The following ULK4 variants were observed in gnomAD, a reference collection of about 807,000 sequenced individuals.
ULK4 encodes the protein unc-51 like kinase 4, also known as inactive serine/threonine-protein kinase ULK4.
In ULK4, 133 loss-of-function variants were observed where a neutral mutation model predicts 160.6. The observed-to-expected ratio is 0.83, with a 90% CI of 0.72 to 0.96. ULK4 has a LOEUF of 0.96. ULK4 is among the 40% of genes least tolerant of loss of function. The pLI is 0.00. For synonymous variants in ULK4, 534 were observed against 539.8 expected (o/e 0.99, Z 0.15); for missense variants, 1,580 against 1,499.5 (o/e 1.05, Z -0.89).
At chr3:41,931,117 G>A (rs1420259503) in intron 5 of ULK4, among the ~76,000 whole-genome samples, 3 of 152,198 alleles carry the variant, frequency 2.0e-5, no homozygotes, top group African/African-American at 7.2e-5. Context: ...TAAAGAAAAT[G>A]TGGCACATAT....
rs2084026968 is a variant in ULK4 at position 41,472,800 on chromosome 3, C to T, written c.3227-9547G>A. Among the ~76,000 whole-genome samples, 3 of 152,112 alleles carry T rather than the reference C, an allele frequency of 2.0e-5. 1 individual carries two copies. The South Asian group carries it at 6.2e-4, about 32-fold the overall frequency. On this transcript the variant is annotated intron_variant, in intron 32 of 36. Transcript: ENST00000301831. ...GCCCAGCATTACCCTCATACCAAAG[C>T]CAGACAAGGATATCACAAGAATAAA...
chr3:41,731,870 C>T (rs1346544390), intron 22 of ULK4, among the ~76,000 whole-genome samples: 1 of 152,038 alleles, frequency 6.6e-6, no homozygotes, highest in Non-Finnish European at 1.5e-5. Flanking sequence ...ATACCAAGAA[C>T]ACACTTGGGG....
At chr3:41,906,130 TG>T (rs1698546626) in intron 12 of ULK4, among the ~76,000 whole-genome samples, 1 of 143,056 alleles carries the variant, frequency 7.0e-6, no homozygotes, top group Non-Finnish European at 1.5e-5. Context: ...GGCGGGAGAA[TG>T]GCGTGAACCC....
rs779277157 is a variant in ULK4, at chr3:41,398,207, C to T, written c.3550G>A (p.Val1184Ile). 39 of 1,612,580 alleles carry T rather than the reference C, an allele frequency of 2.4e-5. No individual in the cohort carries two copies. Among genetic ancestry groups the T allele is most frequent in the African/African-American group, 8.0e-5 (6 of 74,740 alleles). The part of the protein sequence containing the change: ...DVSSKCLSIL[V>I]QLYGGENPDS... ...GGGTTTTCCCCTCCATACAGCTGAACCAGTATAGACAGGCACTTGGATGAA... is the reference window on the plus strand; with the variant it reads ...GGGTTTTCCCCTCCATACAGCTGAATCAGTATAGACAGGCACTTGGATGAA... The change falls in exon 35 of 37, where the codon GTT becomes ATT. Residue 1184 changes from valine to isoleucine, a missense_variant. Val to Ile is a conservative substitution (Grantham distance 29). Coordinates refer to ENST00000301831, the MANE Select transcript of ULK4 (RefSeq NM_017886.4).
intron 2 of ULK4, among the ~76,000 whole-genome samples, chr3:41,946,456 TAC>T (rs1180648200): frequency 6.6e-6 from 1 of 152,184 alleles, no homozygotes; most frequent in Admixed American, 6.5e-5. Context: ...ATTTGGATAT[TAC>T]ATGACTGCAT....
intron 30 of ULK4, among the ~76,000 whole-genome samples, chr3:41,658,073 A>G (rs1041528592): frequency 6.6e-6 from 1 of 152,212 alleles, no homozygotes; most frequent in Non-Finnish European, 1.5e-5. Flanking sequence ...GAAACTAGAA[A>G]TTAATATCAA....
At chr3:41,479,624 G>A (rs1336913791) in intron 32 of ULK4, among the ~76,000 whole-genome samples, 3 of 152,144 alleles carry the variant, frequency 2.0e-5, no homozygotes, top group Non-Finnish European at 4.4e-5. Context: ...ATTTGAACAT[G>A]CTGTATTCAG....
chr3:41,694,797 T>C (rs893165826), intron 27 of ULK4, among the ~76,000 whole-genome samples: 1 of 152,214 alleles, frequency 6.6e-6, no homozygotes, highest in African/African-American at 2.4e-5. Flanking sequence ...TGTTGTATTA[T>C]CATTTTTCAT....
intron 19 of ULK4, among the ~76,000 whole-genome samples, chr3:41,813,869 A>G (rs2040887379): frequency 6.6e-6 from 1 of 152,220 alleles, no homozygotes; most frequent in South Asian, 2.1e-4. Flanking sequence ...TATGAATCTA[A>G]TACTTCAAAG....
At chr3:41,937,703 C>T (rs1032577438) in intron 3 of ULK4, among the ~76,000 whole-genome samples, 3 of 152,092 alleles carry the variant, frequency 2.0e-5, no homozygotes, top group African/African-American at 7.2e-5. Flanking sequence ...CATCTTTGTA[C>T]TTTTTCACAT....
At chr3:41,528,218 C>G (rs544847878) in intron 32 of ULK4, among the ~76,000 whole-genome samples, 1 of 152,300 alleles carries the variant, frequency 6.6e-6, no homozygotes, top group Admixed American at 6.5e-5. Flanking sequence ...GGTAGACTCA[C>G]CCTGAAGAAG....
intron 32 of ULK4, among the ~76,000 whole-genome samples, chr3:41,474,033 G>A (rs866903471): frequency 1.3e-5 from 2 of 152,118 alleles, no homozygotes; most frequent in Non-Finnish European, 1.5e-5. Context: ...AAATTCATAT[G>A]GAGCCCTCAA....
At chr3:41,912,466 T>C (rs931447088) in intron 9 of ULK4, among the ~76,000 whole-genome samples, 1 of 152,196 alleles carries the variant, frequency 6.6e-6, no homozygotes, top group East Asian at 1.9e-4. Context: ...TACTAACATT[T>C]TGTTACCAGA....
At chr3:41,737,614 T>C (rs1447978553) in intron 22 of ULK4, among the ~76,000 whole-genome samples, 1 of 151,916 alleles carries the variant, frequency 6.6e-6, no homozygotes, top group Non-Finnish European at 1.5e-5. Flanking sequence ...AGTCCATTTT[T>C]ATCTGTTTAA....
intron 12 of ULK4, among the ~76,000 whole-genome samples, chr3:41,904,396 T>TCCAG (rs908660827): frequency 2.0e-5 from 3 of 151,780 alleles, no homozygotes; most frequent in African/African-American, 7.3e-5. Context: ...GCCCCTCCAC[T>TCCAG]CCAGCCTAGG....
At chr3:41,389,821 G>A (rs1043460033) in intron 35 of ULK4, among the ~76,000 whole-genome samples, 3 of 152,102 alleles carry the variant, frequency 2.0e-5, no homozygotes, top group African/African-American at 7.2e-5. Context: ...AGGGATACTG[G>A]TCTAAAATTC....
chr3:41,461,138 G>T (rs1027216609), intron 33 of ULK4, among the ~76,000 whole-genome samples: 2 of 152,138 alleles, frequency 1.3e-5, no homozygotes, highest in African/African-American at 4.8e-5. Context: ...ACACGTGCCT[G>T]CCTTTGCTCC....
chr3:41,691,766 G>A lies in ULK4; in HGVS notation c.2782-9962C>T, dbSNP rs748549306. On this transcript the variant is annotated intron_variant, in intron 27 of 36. Transcript: ENST00000301831. ...CACTTATTGATTAATCATGTTACAG[G>A]ATGTTTGGAGAGTGCAGTCTGATAC... Among the ~76,000 whole-genome samples, 8 of 151,740 alleles carry A rather than the reference G, an allele frequency of 5.3e-5. No homozygotes were observed. In the East Asian group the frequency reaches 1.5e-3, roughly 29 times the overall value.
chr3:41,694,494 A>C (rs2036422175), intron 27 of ULK4, among the ~76,000 whole-genome samples: 1 of 152,178 alleles, frequency 6.6e-6, no homozygotes, highest in Admixed American at 6.5e-5. Flanking sequence ...GGAGGATGGG[A>C]TAGGGCAGAC....
Sources: allele counts gnomAD v4.1 joint callset (sites outside exome capture counted in the v4.1 genomes callset), GRCh38; gene constraint gnomAD v4.1.1; transcripts MANE v1.5; gene names NCBI Gene and HGNC (gene_info 2026-07-23, HGNC 2026-07-21).